The following GNAQ variants were observed in gnomAD, a reference collection of about 807,000 sequenced individuals.
GNAQ encodes the protein guanine nucleotide-binding protein G(q) subunit alpha.
A neutral mutation model predicts 43.9 loss-of-function variants in GNAQ; 8 were observed. The ratio of observed to expected loss-of-function variants is 0.18; its 90% CI spans 0.11 to 0.33. The LOEUF (loss-of-function observed/expected upper bound fraction) is 0.33. GNAQ is among the 10% of genes least tolerant of loss of function. The pLI, the probability that GNAQ is intolerant of heterozygous loss-of-function variation, is 1.00. For synonymous variants in GNAQ, 155 were observed against 170.7 expected (o/e 0.91, Z 0.71); for missense variants, 158 against 450.8 (o/e 0.35, Z 5.88).
At chr9:78,013,405 T>C (rs1823798675) in intron 1 of GNAQ, among the ~76,000 whole-genome samples, 2 of 151,970 alleles carry the variant, frequency 1.3e-5, no homozygotes, top group African/African-American at 4.8e-5. Context: ...GTTGGTGTGC[T>C]GCACCCATTA....
In GNAQ at chr9:78,031,218, G is replaced by T; in HGVS notation, c.18C>A (p.Ile6=). ...CCTCCTCGCTCAGGCAGCACGCCAT[G>T]ATGGACTCCAGAGTCATTCTTCCAA... The part of the protein sequence containing the change: MTLES[I]MACCLSEEAK... Residue 6 remains isoleucine, a synonymous_variant, in exon 1 of 7, where the codon ATC becomes ATA. Transcript: ENST00000286548. 6.5e-7 allele frequency: 1 copy of T among 1,546,346 alleles called. No individual in the cohort carries two copies. The highest frequency in any genetic ancestry group is 8.7e-7 in the Non-Finnish European group (1 of 1,145,536).
At chr9:77,727,087 C>CTT (rs60016428) in intron 6 of GNAQ, among the ~76,000 whole-genome samples, 8 of 139,232 alleles carry the variant, frequency 5.7e-5, no homozygotes, top group East Asian at 2.1e-4. Flanking sequence ...AATAAATAAA[C>CTT]TTTTTTTTTT....
chr9:77,911,567 G>A (rs939615530), intron 2 of GNAQ, among the ~76,000 whole-genome samples: 1 of 152,116 alleles, frequency 6.6e-6, no homozygotes, highest in African/African-American at 2.4e-5. Flanking sequence ...TGAGCCACAC[G>A]AATTGGTCTA....
intron 1 of GNAQ, among the ~76,000 whole-genome samples, chr9:77,969,940 C>A (rs900553909): frequency 1.3e-5 from 2 of 152,134 alleles, no homozygotes; most frequent in Admixed American, 1.3e-4. Flanking sequence ...AACCTTGTTA[C>A]GAAAGTGATG....
intron 1 of GNAQ, among the ~76,000 whole-genome samples, chr9:78,000,767 A>G (rs981908897): frequency 6.6e-6 from 1 of 152,220 alleles, no homozygotes; most frequent in African/African-American, 2.4e-5. Flanking sequence ...GCAAGTTCTT[A>G]CTATTCATCT....
At chr9:77,826,810 G>C (rs1481094681) in intron 2 of GNAQ, among the ~76,000 whole-genome samples, 2 of 152,186 alleles carry the variant, frequency 1.3e-5, no homozygotes, top group Non-Finnish European at 2.9e-5. Flanking sequence ...TAACGGGTCA[G>C]TAAACAGAAA....
chr9:77,967,094 T>C (rs1379027633), intron 1 of GNAQ, among the ~76,000 whole-genome samples: 1 of 152,236 alleles, frequency 6.6e-6, no homozygotes, highest in Non-Finnish European at 1.5e-5. Context: ...CTTGGGACTT[T>C]TTATCTTCAC....
chr9:77,956,148 A>G (rs1416077720), intron 1 of GNAQ, among the ~76,000 whole-genome samples: 1 of 152,204 alleles, frequency 6.6e-6, no homozygotes, highest in Non-Finnish European at 1.5e-5. Flanking sequence ...AGTGTTTTAT[A>G]TATGTTCATT....
chr9:77,901,379 G>T (rs972100403), intron 2 of GNAQ, among the ~76,000 whole-genome samples: 10 of 152,122 alleles, frequency 6.6e-5, no homozygotes, highest in African/African-American at 2.4e-4. Flanking sequence ...TGTGTATTTA[G>T]TCCCTAAATT....
chr9:77,829,766 T>TAGGG (rs1003692354), intron 2 of GNAQ, among the ~76,000 whole-genome samples: 6 of 152,146 alleles, frequency 3.9e-5, no homozygotes, highest in Non-Finnish European at 8.8e-5. Context: ...ATCCACTGTA[T>TAGGG]AGGGATCTCC....
chr9:77,910,965 C>T (rs1292407816), intron 2 of GNAQ, among the ~76,000 whole-genome samples: 2 of 152,182 alleles, frequency 1.3e-5, no homozygotes, highest in African/African-American at 4.8e-5. Context: ...AAACCCATCA[C>T]GGTCAACAAG....
At chr9:77,935,534 C>A (rs1289084283) in intron 1 of GNAQ, among the ~76,000 whole-genome samples, 6 of 152,170 alleles carry the variant, frequency 3.9e-5, no homozygotes, top group African/African-American at 1.4e-4. Flanking sequence ...GCTCAGAGAA[C>A]TTCGAAGATA....
At chr9:77,772,831 C>G (rs1353332458) in intron 5 of GNAQ, among the ~76,000 whole-genome samples, 1 of 152,138 alleles carries the variant, frequency 6.6e-6, no homozygotes, top group Non-Finnish European at 1.5e-5. Flanking sequence ...CTTGACTTCC[C>G]TGGGCCACAA....
At chr9:77,925,073 C>T (rs1329122709) in intron 1 of GNAQ, among the ~76,000 whole-genome samples, 1 of 152,112 alleles carries the variant, frequency 6.6e-6, no homozygotes, top group Non-Finnish European at 1.5e-5. Flanking sequence ...CATACTGCTG[C>T]TCTCTCTGGG....
intron 1 of GNAQ, among the ~76,000 whole-genome samples, chr9:77,968,007 A>C (rs1454286237): frequency 6.6e-6 from 1 of 152,126 alleles, no homozygotes; most frequent in Non-Finnish European, 1.5e-5. Flanking sequence ...ACAACAACAA[A>C]AAAACATGTT....
chr9:77,869,673 A>T (rs1341217894), intron 2 of GNAQ, among the ~76,000 whole-genome samples: 4 of 152,166 alleles, frequency 2.6e-5, no homozygotes, highest in Non-Finnish European at 5.9e-5. Context: ...AGCCTATAAA[A>T]TACTCCTTAA....
chr9:77,902,974 T>C (rs1418473655), intron 2 of GNAQ, among the ~76,000 whole-genome samples: 1 of 152,110 alleles, frequency 6.6e-6, no homozygotes, highest in African/African-American at 2.4e-5. Flanking sequence ...GAACTTATAA[T>C]CTTAGGAGTA....
intron 1 of GNAQ, among the ~76,000 whole-genome samples, chr9:77,991,014 C>T (rs1216852339): frequency 5.9e-5 from 9 of 152,190 alleles, no homozygotes; most frequent in East Asian, 1.9e-4. Context: ...ACTTTAACTT[C>T]GGATTTCAAG....
chr9:77,947,220 C>T (rs1822915269), intron 1 of GNAQ, among the ~76,000 whole-genome samples: 1 of 152,182 alleles, frequency 6.6e-6, no homozygotes, highest in Non-Finnish European at 1.5e-5. Context: ...ACAAGAAAGA[C>T]ATTTATTTAC....
Sources: gnomAD v4.1 joint callset for allele counts (sites outside exome capture counted in the v4.1 genomes callset) on GRCh38, gnomAD v4.1.1 for gene constraint, MANE v1.5 for transcripts, NCBI Gene and HGNC (gene_info 2026-07-23, HGNC 2026-07-21) for gene names.